The following USP14 variants were observed in gnomAD, a reference collection of about 807,000 sequenced individuals.
The protein encoded by USP14 is ubiquitin carboxyl-terminal hydrolase 14.
In USP14, 38 loss-of-function variants were observed where a neutral mutation model predicts 76.5. That is an observed-to-expected ratio of 0.50 (90% CI 0.38 to 0.65). USP14 has a LOEUF of 0.65. Ranked by LOEUF, USP14 falls within the 30% of genes least tolerant of loss-of-function variation. The pLI, the probability that USP14 is intolerant of heterozygous loss-of-function variation, is 0.00. For synonymous variants in USP14, 192 were observed against 191.7 expected (o/e 1.00, Z -0.01); for missense variants, 467 against 586.5 (o/e 0.80, Z 2.10).
At chr18:180,410 C>T in intron 5 of USP14, 71 bp downstream of exon 5, 1 of 876,602 alleles carries the variant, frequency 1.1e-6, no homozygotes, top group South Asian at 1.6e-5. Context: ...GTTTTGCTTT[C>T]TTTAGCATCT....
chr18:179,766 ATT>A (rs1277005564), intron 4 of USP14, among the ~76,000 whole-genome samples: 1 of 135,756 alleles, frequency 7.4e-6, no homozygotes. Context: ...AAAAAAAAAA[ATT>A]TTTTTTTTTT....
At chr18:174,722 A>G (rs1909579776) in intron 3 of USP14, among the ~76,000 whole-genome samples, 1 of 148,798 alleles carries the variant, frequency 6.7e-6, no homozygotes, top group Non-Finnish European at 1.5e-5. Context: ...CTCCCACCTC[A>G]CCCTCCTGAG....
Position 166,046 on chromosome 18 carries a change from A to G in USP14, c.163-741A>G, listed in dbSNP as rs372814489. On this transcript the variant is annotated intron_variant, in intron 2 of 15. Coordinates refer to ENST00000261601, the MANE Select transcript of USP14 (RefSeq NM_005151.4). ...TTTTTATTCAACATATTGAAAGGAA[A>G]GTATATACTTGCTTTATAGATGCGT... is the stretch of plus-strand genomic sequence containing the variant. Among the ~76,000 whole-genome samples the G allele has an allele frequency of 2.6e-5, 4 of 152,252 alleles. No homozygotes were observed. The East Asian group carries it at 7.7e-4, about 29-fold the overall frequency.
At position 199,244 on chromosome 18, in the gene USP14, A is replaced by G. The variant is rs774143424; in HGVS notation, c.804A>G (p.Gly268=). The G allele has an allele frequency of 6.2e-7, 1 of 1,614,008 alleles. No individual in the cohort carries two copies. The highest frequency in any genetic ancestry group is 8.5e-7 in the Non-Finnish European group (1 of 1,179,916). The change falls in exon 10 of 16, where the codon GGA becomes GGG. Residue 268 remains glycine (G), a synonymous_variant. Coordinates refer to ENST00000261601, the MANE Select transcript of USP14 (RefSeq NM_005151.4). The part of the protein sequence containing the change: ...TESEEEEVTK[G]KENQLQLSCF... ...CTGAAGAAGAAGAAGTCACCAAAGG[A>G]AAGGAAAATCAACTTCAGCTTAGCT...
At chr18:176,134 G>A (rs961484495) in intron 3 of USP14, among the ~76,000 whole-genome samples, 27 of 150,926 alleles carry the variant, frequency 1.8e-4, no homozygotes, top group African/African-American at 6.1e-4. Context: ...CCAGAGTTTT[G>A]TCAGTTTCAT....
chr18:175,564 G>C (rs1158426876), intron 3 of USP14, among the ~76,000 whole-genome samples: 1 of 151,888 alleles, frequency 6.6e-6, no homozygotes, highest in African/African-American at 2.4e-5. Flanking sequence ...TATATTCTTG[G>C]GATAAACCCC....
chr18:184,353 T>G lies in USP14; in HGVS notation c.404+4014T>G, dbSNP rs367638267. Among the ~76,000 whole-genome samples the G allele has an allele frequency of 2.6e-5, 4 of 152,122 alleles. No homozygotes were observed. The East Asian group carries it at 5.8e-4, about 22-fold the overall frequency. Reference sequence around the variant, plus strand: ...ATGGCACTAACTGATAAAACAAGAATGAAAGAACAGAAAAACATTCCACGA... The same window carrying G: ...ATGGCACTAACTGATAAAACAAGAAGGAAAGAACAGAAAAACATTCCACGA... On this transcript the variant is annotated intron_variant, in intron 5 of 15. Coordinates refer to ENST00000261601, the MANE Select transcript of USP14 (RefSeq NM_005151.4).
intron 13 of USP14, among the ~76,000 whole-genome samples, chr18:209,411 T>C (rs758083695): frequency 6.6e-6 from 1 of 152,238 alleles, no homozygotes; most frequent in Non-Finnish European, 1.5e-5. Flanking sequence ...TCATGTTGCA[T>C]GCTAAAATGA....
chr18:204,523 A>T, intron 12 of USP14, 41 bp from the exon 13 acceptor site: 1 of 1,444,036 alleles, frequency 6.9e-7, no homozygotes, highest in Non-Finnish European at 9.3e-7. Flanking sequence ...AAATATCTTT[A>T]TAAATGTGTT....
intron 13 of USP14, among the ~76,000 whole-genome samples, chr18:206,657 T>C (rs1910536207): frequency 6.6e-6 from 1 of 152,196 alleles, no homozygotes; most frequent in Non-Finnish European, 1.5e-5. Flanking sequence ...CCCAGCACTT[T>C]AGGAGGCTGA....
At chr18:159,652 G>A (rs1329439440) in intron 1 of USP14, among the ~76,000 whole-genome samples, 1 of 152,164 alleles carries the variant, frequency 6.6e-6, no homozygotes, top group Non-Finnish European at 1.5e-5. Context: ...CTAGAATCTT[G>A]AATCGAATTC....
chr18:159,647 A>G (rs756312690), intron 1 of USP14, among the ~76,000 whole-genome samples: 4 of 152,188 alleles, frequency 2.6e-5, no homozygotes, highest in Non-Finnish European at 4.4e-5. Context: ...ATGGTCTAGA[A>G]TCTTGAATCG....
chr18:171,025 A>AAAAAAAAAAATATATAT (rs1327304974), intron 3 of USP14, among the ~76,000 whole-genome samples: 1 of 47,680 alleles, frequency 2.1e-5, no homozygotes, highest in African/African-American at 8.7e-5. Context: ...AAAAAAAAAA[A>AAAAAAAAAAATATATAT]ATATATATAT....
chr18:198,664 TTTA>T (rs1450200806), intron 9 of USP14, among the ~76,000 whole-genome samples: 1 of 152,180 alleles, frequency 6.6e-6, no homozygotes, highest in East Asian at 1.9e-4. Flanking sequence ...TTGAAGGATA[TTTA>T]TTATTTTTTC....
intron 5 of USP14, among the ~76,000 whole-genome samples, chr18:192,544 G>A (rs1015881855): frequency 1.3e-5 from 2 of 152,142 alleles, no homozygotes; most frequent in Non-Finnish European, 2.9e-5. Flanking sequence ...CAACCTGGGC[G>A]ACAAGAGCAA....
intron 1 of USP14, 87 bp from the exon 2 acceptor site, chr18:163,221 G>A (rs1909172864): frequency 6.2e-6 from 8 of 1,283,034 alleles, no homozygotes; most frequent in Middle Eastern, 2.0e-4. Flanking sequence ...TTTGACTCCC[G>A]ATAACTGCCT....
At chr18:204,090 G>A (rs531751198) in intron 12 of USP14, among the ~76,000 whole-genome samples, 8 of 151,648 alleles carry the variant, frequency 5.3e-5, no homozygotes, top group Non-Finnish European at 1.2e-4. Context: ...TGTATGAGAA[G>A]GTTAAATGTA....
chr18:177,193 A>G (rs1464321835), intron 3 of USP14, among the ~76,000 whole-genome samples: 4 of 151,812 alleles, frequency 2.6e-5, no homozygotes, highest in African/African-American at 7.3e-5. Context: ...CATTTCTTCT[A>G]TTGTGTTTTC....
intron 3 of USP14, among the ~76,000 whole-genome samples, chr18:169,248 G>A (rs764369912): frequency 2.0e-5 from 3 of 150,936 alleles, no homozygotes; most frequent in Non-Finnish European, 4.4e-5. Context: ...AAAATTAGCC[G>A]AGTGTCATGG....
Sources: allele counts gnomAD v4.1 joint callset (sites outside exome capture counted in the v4.1 genomes callset), GRCh38; gene constraint gnomAD v4.1.1; transcripts MANE v1.5; gene names NCBI Gene and HGNC (gene_info 2026-07-23, HGNC 2026-07-21).